EEF1G: variants seen among roughly 807,000 people sequenced by gnomAD.
EEF1G encodes eukaryotic translation elongation factor 1 gamma.
A neutral mutation model predicts 58.3 loss-of-function variants in EEF1G; 14 were observed. The ratio of observed to expected loss-of-function variants is 0.24; its 90% CI spans 0.16 to 0.38. The LOEUF (loss-of-function observed/expected upper bound fraction) is 0.38, where lower values mean the gene tolerates loss of function less well. Ranked by LOEUF, EEF1G falls within the 10% of genes least tolerant of loss-of-function variation. EEF1G has a pLI of 1.00. For synonymous variants in EEF1G, 180 were observed against 206.8 expected, an observed-to-expected ratio of 0.87 and a Z score of 1.11; for missense variants, 322 against 550.1, an observed-to-expected ratio of 0.59 and a Z score of 4.15.
chr11:62,571,795 T>C (rs1278852902), intron 3 of EEF1G, 43 bp downstream of exon 3: 1 of 1,570,802 alleles, frequency 6.4e-7, no homozygotes, highest in Admixed American at 1.9e-5. Context: ...TCCTACACCC[T>C]CACCTCCAAA....
chr11:62,572,850 T>C (rs968580309), intron 1 of EEF1G, 108 bp from the exon 2 acceptor site: 10 of 1,054,950 alleles, frequency 9.5e-6, no homozygotes, highest in Non-Finnish European at 1.2e-5. Flanking sequence ...CAACTCACCC[T>C]TTTACTTCCT....
chr11:62,564,333 C>A (rs1436496218), intron 7 of EEF1G, among the ~76,000 whole-genome samples: 1 of 136,720 alleles, frequency 7.3e-6, no homozygotes, highest in Non-Finnish European at 1.7e-5. Context: ...CATGGTGGCA[C>A]GCACCTGCAA....
At chr11:62,569,954 G>C (rs1157198386) in intron 5 of EEF1G, among the ~76,000 whole-genome samples, 1 of 152,042 alleles carries the variant, frequency 6.6e-6, no homozygotes, top group Non-Finnish European at 1.5e-5. Flanking sequence ...ATTGCAAAGA[G>C]TAAAAAACAG....
At chr11:62,567,278 T>C (rs907213611) in intron 6 of EEF1G, 121 bp downstream of exon 6, 3 of 1,336,974 alleles carry the variant, frequency 2.2e-6, no homozygotes, top group African/African-American at 1.5e-5. Context: ...AGCTACCACA[T>C]TGACACCCTA....
At chr11:62,564,758 CAAAAAAA>C (rs34663205) in intron 7 of EEF1G, among the ~76,000 whole-genome samples, 2 of 75,046 alleles carry the variant, frequency 2.7e-5, no homozygotes, top group East Asian at 7.9e-4. Flanking sequence ...GACTCCATCT[CAAAAAAA>C]AAAAAAAAAA....
chr11:62,566,126 C>T (rs1590708784), intron 7 of EEF1G, among the ~76,000 whole-genome samples: 1 of 152,170 alleles, frequency 6.6e-6, no homozygotes, highest in Admixed American at 6.5e-5. Flanking sequence ...AAGACTCCAT[C>T]CCAGAGAACT....
chr11:62,568,559 T>C (rs1032641881), intron 5 of EEF1G, among the ~76,000 whole-genome samples: 1 of 152,068 alleles, frequency 6.6e-6, no homozygotes, highest in African/African-American at 2.4e-5. Context: ...AATCTTTTTT[T>C]TCAGTGTAGT....
At chr11:62,568,985 A>G (rs1590710325) in intron 5 of EEF1G, among the ~76,000 whole-genome samples, 2 of 151,982 alleles carry the variant, frequency 1.3e-5, no homozygotes, top group African/African-American at 4.8e-5. Context: ...AAAAAAAAAA[A>G]AGATTGAGAC....
chr11:62,562,279 C>T (rs1205027247), intron 7 of EEF1G, among the ~76,000 whole-genome samples: 1 of 152,068 alleles, frequency 6.6e-6, no homozygotes, highest in African/African-American at 2.4e-5. Flanking sequence ...TCCTCAGGGC[C>T]GAGAGATTTT....
chr11:62,567,064 C>T (rs1161806127), intron 6 of EEF1G, 54 bp from the exon 7 acceptor site: 1 of 1,572,190 alleles, frequency 6.4e-7, no homozygotes, highest in South Asian at 1.1e-5. Context: ...TTTCCACACC[C>T]CTCCAAAACC....
chr11:62,571,961 C>T, intron 2 of EEF1G, 60 bp from the exon 3 acceptor site: 2 of 1,439,294 alleles, frequency 1.4e-6, no homozygotes, highest in South Asian at 2.4e-5. Context: ...CTAACCAATA[C>T]CAGGAGCCAA....
In EEF1G at chr11:62,571,003, T is replaced by C. The variant is rs773540936; in HGVS notation, c.484A>G (p.Ile162Val). Residue 162 changes from isoleucine (I) to valine (V), a missense_variant, in exon 5 of 10, where the codon ATC becomes GTC. Physicochemically the swap from Ile to Val is conservative, Grantham distance 29 (BLOSUM62 3). Coordinates refer to ENST00000329251, the MANE Select transcript of EEF1G (RefSeq NM_001404.5). ...CACAACAGGGTGCAGACAACTGTGA[T>C]GTCAGCCAATGTCACTCGTTCGCCC... ...LVGERVTLADITVVCTLLWLY... is the reference protein window; with the variant it reads ...LVGERVTLADVTVVCTLLWLY... 6.2e-7 allele frequency: 1 copy of C among 1,613,956 alleles called. No individual in the cohort carries two copies. The highest frequency in any genetic ancestry group is 2.2e-5 in the East Asian group (1 of 44,886).
chr11:62,573,884 C>T lies in EEF1G; in HGVS notation c.-42G>A. 1 of 1,613,434 alleles carries T rather than the reference C, an allele frequency of 6.2e-7. No homozygotes were observed. The highest frequency in any genetic ancestry group is 1.1e-5 in the South Asian group (1 of 91,078). Reference sequence around the variant, plus strand: ...AAGGGGGTGGGGTTCTCGGCGCTGCCGCAAAGTAAGCCGCCCGGGAGAGAA... The same window carrying T: ...AAGGGGGTGGGGTTCTCGGCGCTGCTGCAAAGTAAGCCGCCCGGGAGAGAA... On this transcript the variant is annotated 5_prime_UTR_variant, in exon 1 of 10. Transcript: ENST00000329251.
chr11:62,573,587 G>C, intron 1 of EEF1G: 1 of 601,042 alleles, frequency 1.7e-6, no homozygotes, highest in Non-Finnish European at 2.9e-6. Context: ...CTCAGGCTTC[G>C]GACGGCCCAG....
At chr11:62,566,280 G>A (rs1201636693) in intron 7 of EEF1G, among the ~76,000 whole-genome samples, 2 of 152,286 alleles carry the variant, frequency 1.3e-5, no homozygotes, top group East Asian at 1.9e-4. Context: ...ACTCGGTTGT[G>A]GAACAATGAA....
chr11:62,568,110 C>T (rs1941579472), intron 5 of EEF1G, among the ~76,000 whole-genome samples: 1 of 151,736 alleles, frequency 6.6e-6, no homozygotes, highest in Non-Finnish European at 1.5e-5. Context: ...CAGCTGTAGT[C>T]CCAGCTACTC....
chr11:62,564,570 G>T (rs1780934611), intron 7 of EEF1G, among the ~76,000 whole-genome samples: 1 of 149,992 alleles, frequency 6.7e-6, no homozygotes, highest in Admixed American at 6.6e-5. Context: ...AGACCAGCCT[G>T]CCCAGCATGG....
chr11:62,573,407 C>A, intron 1 of EEF1G: 1 of 224,586 alleles, frequency 4.5e-6, no homozygotes, highest in South Asian at 6.9e-5. Flanking sequence ...GGAGAATCCT[C>A]TCGCTCCCAA....
intron 1 of EEF1G, 23 bp downstream of exon 1, chr11:62,573,808 A>T: frequency 6.2e-7 from 1 of 1,613,480 alleles, no homozygotes; most frequent in Non-Finnish European, 8.5e-7. Flanking sequence ...GATGACCCGA[A>T]CCACCAGAGC....
Sources: allele counts gnomAD v4.1 joint callset (sites outside exome capture counted in the v4.1 genomes callset), GRCh38; gene constraint gnomAD v4.1.1; transcripts MANE v1.5; gene names NCBI Gene and HGNC (gene_info 2026-07-23, HGNC 2026-07-21).